Variants in STK39 observed in about 807,000 individuals in gnomAD.
STK39 encodes STE20/SPS1-related proline-alanine-rich protein kinase.
In STK39, 20 loss-of-function variants were observed where a neutral mutation model predicts 77.8. The observed-to-expected ratio is 0.26, with a 90% CI of 0.18 to 0.37. STK39 has a LOEUF of 0.37. Ranked by LOEUF, STK39 falls within the 10% of genes least tolerant of loss-of-function variation. The pLI, the probability that STK39 is intolerant of heterozygous loss-of-function variation, is 1.00. For synonymous variants in STK39, 246 were observed against 234.1 expected, an observed-to-expected ratio of 1.05 and a Z score of -0.47; for missense variants, 479 against 656.5, an observed-to-expected ratio of 0.73 and a Z score of 2.95.
At chr2:168,198,500 C>T (rs1689531070) in intron 1 of STK39, among the ~76,000 whole-genome samples, 1 of 152,102 alleles carries the variant, frequency 6.6e-6, no homozygotes, top group South Asian at 2.1e-4. Context: ...CATTACATTG[C>T]TTATAAAATC....
chr2:168,055,739 A>C (rs1047586523), intron 14 of STK39, among the ~76,000 whole-genome samples: 5 of 152,258 alleles, frequency 3.3e-5, no homozygotes, highest in African/African-American at 1.2e-4. Flanking sequence ...CCATTTTCCA[A>C]ATCACTGAGC....
chr2:168,162,546 T>A (rs1171234075), intron 4 of STK39, among the ~76,000 whole-genome samples: 1 of 152,100 alleles, frequency 6.6e-6, no homozygotes, highest in African/African-American at 2.4e-5. Flanking sequence ...AAATTTGGGA[T>A]GCAATTCCAA....
chr2:168,163,811 G>T lies in STK39; in HGVS notation c.500C>A (p.Ala167Glu), dbSNP rs1261697990. The change falls in exon 4 of 18, where the codon GCA (alanine) becomes GAA (glutamate). Residue 167 changes from alanine (A) to glutamate (E), a missense_variant. By Grantham distance (107) the Ala-to-Glu change is moderately radical. Around this residue, in one of 3 missense-constraint regions of STK39, gnomAD observed 139 missense variants for 280.6 expected, o/e 0.50. Coordinates refer to ENST00000355999, the MANE Select transcript of STK39 (RefSeq NM_013233.3). ...GEHKNGVLEE[A>E]IIATILKEVL... ...CTCTTTAAGAATTGTTGCTATTATT[G>T]CCTCTTCCAGAACTCCATTCTTGTG... The T allele has an allele frequency of 6.2e-7, 1 of 1,613,874 alleles. No individual in the cohort carries two copies. Among genetic ancestry groups the T allele is most frequent in the Non-Finnish European group, 8.5e-7 (1 of 1,179,930 alleles).
chr2:168,200,288 T>C (rs147139285), intron 1 of STK39, among the ~76,000 whole-genome samples: 43 of 152,270 alleles, frequency 2.8e-4, no homozygotes, highest in African/African-American at 8.9e-4. Flanking sequence ...ATGTTAAACT[T>C]ACAAGACACA....
At chr2:167,991,681 G>A (rs1179767545) in intron 16 of STK39, among the ~76,000 whole-genome samples, 1 of 152,260 alleles carries the variant, frequency 6.6e-6, no homozygotes, top group South Asian at 2.1e-4. Flanking sequence ...AATGACCAGG[G>A]AATCCATATT....
intron 1 of STK39, among the ~76,000 whole-genome samples, chr2:168,191,094 G>A (rs1469644063): frequency 6.6e-6 from 1 of 152,146 alleles, no homozygotes; most frequent in African/African-American, 2.4e-5. Context: ...GGCTCTATAT[G>A]CAAAAAGAAG....
intron 14 of STK39, among the ~76,000 whole-genome samples, chr2:168,059,405 T>C (rs1168502185): frequency 6.6e-6 from 1 of 152,214 alleles, no homozygotes; most frequent in Non-Finnish European, 1.5e-5. Context: ...TGAGGCCTGC[T>C]TAATCAGGTG....
At chr2:168,241,987 A>G (rs1465876824) in intron 1 of STK39, among the ~76,000 whole-genome samples, 1 of 152,224 alleles carries the variant, frequency 6.6e-6, no homozygotes, top group Non-Finnish European at 1.5e-5. Context: ...CACTGCTGCA[A>G]CTTATTTTCA....
chr2:168,053,948 TA>T lies in STK39; in HGVS notation c.1376+9551del, dbSNP rs1401467704. 2.6e-5 allele frequency among the ~76,000 whole-genome samples: 4 copies of T among 152,316 alleles called. No homozygotes were observed. In the East Asian group the frequency reaches 7.7e-4, roughly 29 times the overall value. ...CTGTTTCATCTGTCAGCAGCAAATG[TA>T]GGACGAAAGGAAAAACTAAATCAAG... On this transcript the variant is annotated intron_variant, in intron 14 of 17. Transcript: ENST00000355999.
chr2:168,236,632 G>A (rs551867310), intron 1 of STK39, among the ~76,000 whole-genome samples: 50 of 152,338 alleles, frequency 3.3e-4, no homozygotes, highest in Middle Eastern at 3.4e-3. Flanking sequence ...CGTATAAGGC[G>A]TAAGGAAGGG....
At chr2:168,162,897 C>G (rs1553536755) in intron 4 of STK39, among the ~76,000 whole-genome samples, 1 of 151,730 alleles carries the variant, frequency 6.6e-6, no homozygotes, top group Non-Finnish European at 1.5e-5. Flanking sequence ...CATGGTGCCG[C>G]ATGCCTGTAA....
chr2:167,963,947 T>G (rs1347556184), intron 17 of STK39, among the ~76,000 whole-genome samples: 1 of 152,228 alleles, frequency 6.6e-6, no homozygotes, highest in African/African-American at 2.4e-5. Context: ...ATTTTTAAAA[T>G]GTACCTTAAT....
At chr2:168,025,141 A>C (rs1684664488) in intron 14 of STK39, among the ~76,000 whole-genome samples, 1 of 152,132 alleles carries the variant, frequency 6.6e-6, no homozygotes, top group African/African-American at 2.4e-5. Context: ...CTGTCTCTTC[A>C]GTGTTAATGT....
intron 1 of STK39, among the ~76,000 whole-genome samples, chr2:168,216,679 G>A (rs1388975444): frequency 3.9e-5 from 6 of 152,180 alleles, no homozygotes; most frequent in Non-Finnish European, 4.4e-5. Flanking sequence ...GCAAAGAAAC[G>A]TTGTTATAAG....
chr2:168,110,880 C>T (rs1687104808), intron 10 of STK39, among the ~76,000 whole-genome samples: 1 of 152,114 alleles, frequency 6.6e-6, no homozygotes, highest in East Asian at 1.9e-4. Context: ...GGTGTCCTTC[C>T]TATATTGAGT....
intron 10 of STK39, among the ~76,000 whole-genome samples, chr2:168,086,206 A>T (rs1686362537): frequency 6.6e-6 from 1 of 152,220 alleles, no homozygotes; most frequent in Non-Finnish European, 1.5e-5. Context: ...TTGAAAATTA[A>T]TAGGTCGTAT....
intron 4 of STK39, among the ~76,000 whole-genome samples, chr2:168,162,986 C>G (rs147787539): frequency 2.5e-3 from 371 of 150,364 alleles, no homozygotes; most frequent in Admixed American, 3.2e-3. Flanking sequence ...GAGATCACAC[C>G]ATTGCACTCC....
intron 10 of STK39, among the ~76,000 whole-genome samples, chr2:168,114,812 G>T (rs1297709180): frequency 3.3e-5 from 5 of 152,158 alleles, no homozygotes; most frequent in African/African-American, 1.2e-4. Flanking sequence ...GCCAGGGGAT[G>T]ATGAAAACGG....
intron 1 of STK39, among the ~76,000 whole-genome samples, chr2:168,217,361 C>T (rs759540718): frequency 4.6e-5 from 7 of 152,226 alleles, no homozygotes; most frequent in South Asian, 4.1e-4. Flanking sequence ...GGCCAGTATC[C>T]GGATGCAGGA....
Sources: gnomAD v4.1 joint callset for allele counts (sites outside exome capture counted in the v4.1 genomes callset) on GRCh38, gnomAD v4.1.1 for gene constraint, gnomAD v4.1.1 regional missense constraint, MANE v1.5 for transcripts, NCBI Gene and HGNC (gene_info 2026-07-23, HGNC 2026-07-21) for gene names.